The following SLC41A1 variants were observed in gnomAD, a reference collection of about 807,000 sequenced individuals.
SLC41A1 encodes the protein solute carrier family 41 member 1.
SLC41A1 carries 20 observed loss-of-function variants against 47.3 expected under a neutral mutation model. The ratio of observed to expected loss-of-function variants is 0.42; its 90% CI spans 0.30 to 0.61. The LOEUF is 0.61. Ranked by LOEUF, SLC41A1 falls within the 20% of genes least tolerant of loss-of-function variation. The pLI, the probability that SLC41A1 is intolerant of heterozygous loss-of-function variation, is 0.17. For synonymous variants in SLC41A1, 282 were observed against 272.7 expected (o/e 1.03, Z -0.34); for missense variants, 504 against 674.1 (o/e 0.75, Z 2.79).
intron 2 of SLC41A1, among the ~76,000 whole-genome samples, chr1:205,806,048 G>C (rs532172952): frequency 6.6e-6 from 1 of 152,364 alleles, no homozygotes; most frequent in East Asian, 1.9e-4. Flanking sequence ...TTTAGGGTAA[G>C]GACTGGGTCA....
In SLC41A1 at chr1:205,791,845, C is replaced by T. The variant is rs1022502947; in HGVS notation, c.1357-127G>A. The stretch of plus-strand genomic sequence containing the variant: ...GCCATAATCCTTACTTTTTAATCTT[C>T]CTCTTTCCACCCCAGCAACCTCTCT... On this transcript the variant is annotated intron_variant, in intron 10 of 10. Transcript: ENST00000367137. The surrounding 1 kb of genome is among the most constrained non-coding windows in gnomAD (Gnocchi z 4.0). 40 of 1,181,152 alleles carry T rather than the reference C, an allele frequency of 3.4e-5. No homozygotes were observed. Among genetic ancestry groups the T allele is most frequent in the Non-Finnish European group, 4.9e-5 (40 of 815,980 alleles). The allele number at this position is 1,181,152 out of a possible 1,614,324, so 73.2% of individuals were successfully genotyped here.
chr1:205,806,617 C>T (rs75794366), intron 2 of SLC41A1, among the ~76,000 whole-genome samples: 1,556 of 152,322 alleles, frequency 0.01, 23 homozygotes, highest in African/African-American at 0.036. Context: ...ATCCCAACCC[C>T]CTTCAGAAGC....
chr1:205,809,393 G>C (rs1181261758), intron 2 of SLC41A1, among the ~76,000 whole-genome samples: 3 of 152,214 alleles, frequency 2.0e-5, no homozygotes, highest in Non-Finnish European at 2.9e-5. Context: ...GGAGCAAAGA[G>C]GAGAGACAGT....
At chr1:205,807,153 T>G (rs1420144019) in intron 2 of SLC41A1, among the ~76,000 whole-genome samples, 1 of 152,200 alleles carries the variant, frequency 6.6e-6, no homozygotes, top group South Asian at 2.1e-4. Context: ...TTCCTGAATC[T>G]GAGATTGTCA....
chr1:205,803,577 T>C (rs550171535), intron 2 of SLC41A1, among the ~76,000 whole-genome samples: 8 of 151,848 alleles, frequency 5.3e-5, no homozygotes, highest in Middle Eastern at 3.4e-3. Context: ...AAACACTGTA[T>C]GATAAAACAC....
At position 205,790,580 on chromosome 1, in the gene SLC41A1, A is replaced by G. The variant is rs1403472360; in HGVS notation, c.*953T>C. The G allele has an allele frequency of 6.6e-6, 1 of 152,250 alleles. No homozygotes were observed. The highest frequency in any genetic ancestry group is 1.5e-5 in the Non-Finnish European group (1 of 68,058). The allele number at this position is 152,250 out of a possible 1,614,324, so 9.4% of individuals were successfully genotyped here. A position where few individuals can be genotyped will look rare whatever the true frequency, so the allele number is the denominator to read the frequency against. On this transcript the variant is annotated 3_prime_UTR_variant, in exon 11 of 11. Coordinates refer to ENST00000367137, the MANE Select transcript of SLC41A1 (RefSeq NM_173854.6). Reference sequence around the variant, plus strand: ...GTCCTCAGGAGAAATGGCAGCAATGAGACACCTGTGGTTGTCCTCAACCTC... The same window carrying G: ...GTCCTCAGGAGAAATGGCAGCAATGGGACACCTGTGGTTGTCCTCAACCTC...
intron 10 of SLC41A1, among the ~76,000 whole-genome samples, chr1:205,793,676 G>A (rs575064436): frequency 1.3e-5 from 2 of 152,278 alleles, no homozygotes; most frequent in African/African-American, 4.8e-5. Context: ...GAAAATCAGG[G>A]TGTTGTTCTC....
Position 205,795,031 on chromosome 1 carries a change from A to G in SLC41A1, c.1208-13T>C. ...CGAGAATTCACATCTGGAATTGGGG[A>G]AAAGAGGGTGTAAAGAGGAGGGGAG... is the stretch of plus-strand genomic sequence containing the variant. On this transcript the variant is annotated splice_polypyrimidine_tract_variant and intron_variant, in intron 9 of 10. Coordinates refer to ENST00000367137, the MANE Select transcript of SLC41A1 (RefSeq NM_173854.6). 1.2e-6 allele frequency: 2 copies of G among 1,613,408 alleles called. No homozygotes were observed. Among genetic ancestry groups the G allele is most frequent in the Non-Finnish European group, 1.7e-6 (2 of 1,179,800 alleles).
At chr1:205,812,077 T>C (rs1184432041) in intron 1 of SLC41A1, among the ~76,000 whole-genome samples, 6 of 152,338 alleles carry the variant, frequency 3.9e-5, no homozygotes, top group Non-Finnish European at 2.9e-5. Context: ...TCTCTTTAGC[T>C]GTAATGGCTC....
intron 1 of SLC41A1, 171 bp downstream of exon 1, chr1:205,812,637 C>T (rs1288733046): frequency 1.9e-6 from 1 of 534,716 alleles, no homozygotes; most frequent in Non-Finnish European, 2.4e-6. Flanking sequence ...CCCCTCCTCC[C>T]AGGCGGGGAC....
chr1:205,800,154 G>C (rs917759651), intron 3 of SLC41A1, among the ~76,000 whole-genome samples: 2 of 152,228 alleles, frequency 1.3e-5, no homozygotes, highest in Admixed American at 6.5e-5. Flanking sequence ...GCATGGGTCA[G>C]AACAACCCAG....
At chr1:205,798,325 T>C (rs1394794752) in intron 6 of SLC41A1, among the ~76,000 whole-genome samples, 1 of 152,140 alleles carries the variant, frequency 6.6e-6, no homozygotes, top group Non-Finnish European at 1.5e-5. Flanking sequence ...GGTCTCTTGA[T>C]TGGAGCCCAG....
At chr1:205,807,025 T>A (rs891340747) in intron 2 of SLC41A1, among the ~76,000 whole-genome samples, 2 of 152,102 alleles carry the variant, frequency 1.3e-5, no homozygotes, top group African/African-American at 2.4e-5. Flanking sequence ...GGACACTCCA[T>A]AGCCAGCTTC....
intron 10 of SLC41A1, among the ~76,000 whole-genome samples, chr1:205,793,630 A>G (rs1655674924): frequency 6.6e-6 from 1 of 152,230 alleles, no homozygotes; most frequent in African/African-American, 2.4e-5. Context: ...AAATAAAATT[A>G]TGGTCTGTGT....
rs1558084461 is a variant in SLC41A1 at position 205,810,376 on chromosome 1, G to A, written c.66C>T (p.Pro22=). The change falls in exon 2 of 11, where the codon CCC becomes CCT. Residue 22 remains proline (P), a synonymous_variant. Coordinates refer to ENST00000367137, the MANE Select transcript of SLC41A1 (RefSeq NM_173854.6). This position sits in a 1 kb window ranked among gnomAD's most constrained non-coding sequence, Gnocchi z 5.5. ...QLNGTGPSAS[P]CSSDGPGREP... The stretch of plus-strand genomic sequence containing the variant: ...CTCTCCCTGGGCCATCTGAAGAGCA[G>A]GGAGAGGCAGAAGGGCCAGTCCCGT... 6.2e-7 allele frequency: 1 copy of A among 1,614,240 alleles called. No individual in the cohort carries two copies.
At position 205,807,114 on chromosome 1, in the gene SLC41A1, G is replaced by A. The variant is rs146294594; in HGVS notation, c.372+2956C>T. ...TCTTAGCTTATGAAGGGGTAATATA[G>A]GTGTGAATCCTTAGAAACCATCCCG... On this transcript the variant is annotated intron_variant, in intron 2 of 10. Coordinates refer to ENST00000367137, the MANE Select transcript of SLC41A1 (RefSeq NM_173854.6). Among the ~76,000 whole-genome samples the A allele has an allele frequency of 5.2e-3, 784 of 152,058 alleles. 5 individuals carry two copies. The highest frequency in any genetic ancestry group is 0.015 in the African/African-American group (617 of 41,480).
chr1:205,799,916 G>T, intron 3 of SLC41A1, 86 bp from the exon 4 acceptor site: 3 of 1,166,750 alleles, frequency 2.6e-6, no homozygotes, highest in Non-Finnish European at 3.8e-6. Context: ...AGATCATGAG[G>T]CAGTACATGT....
intron 2 of SLC41A1, among the ~76,000 whole-genome samples, chr1:205,807,377 G>A (rs921546022): frequency 2.0e-5 from 3 of 152,090 alleles, no homozygotes; most frequent in South Asian, 2.1e-4. Context: ...GTGAGCTGAG[G>A]TGCCACACTG....
Position 205,791,774 on chromosome 1 carries a change from G to A in SLC41A1, c.1357-56C>T. 1 of 1,595,576 alleles carries A rather than the reference G, an allele frequency of 6.3e-7. No homozygotes were observed. The highest frequency in any genetic ancestry group is 8.5e-7 in the Non-Finnish European group (1 of 1,170,968). ...CATCCTCTCTCTCCAGGGGGAGCCA[G>A]AGGCCACATGATCAGACCCATTCAG... is the stretch of plus-strand genomic sequence containing the variant. On this transcript the variant is annotated intron_variant, in intron 10 of 10. Coordinates refer to ENST00000367137, the MANE Select transcript of SLC41A1 (RefSeq NM_173854.6). This position sits in a 1 kb window ranked among gnomAD's most constrained non-coding sequence, Gnocchi z 4.0.
Sources: gnomAD v4.1 joint callset for allele counts (sites outside exome capture counted in the v4.1 genomes callset) on GRCh38, gnomAD v4.1.1 for gene constraint, Gnocchi (gnomAD v3.1) non-coding constraint, MANE v1.5 for transcripts, NCBI Gene and HGNC (gene_info 2026-07-23, HGNC 2026-07-21) for gene names.